Variants in MED13 observed in about 807,000 individuals in gnomAD.
MED13 encodes mediator of RNA polymerase II transcription subunit 13.
A neutral mutation model predicts 225.2 loss-of-function variants in MED13; 23 were observed. The observed-to-expected ratio is 0.10, with a 90% CI of 0.07 to 0.14. The LOEUF is 0.14. Ranked by LOEUF, MED13 falls within the 10% of genes least tolerant of loss-of-function variation. The probability of loss-of-function intolerance (pLI) is 1.00; values close to 1 mark genes in which losing one functional copy is unlikely to be tolerated. For synonymous variants in MED13, 942 were observed against 889.2 expected (o/e 1.06, Z -1.06); for missense variants, 2,197 against 2,594.5 (o/e 0.85, Z 3.33).
chr17:62,029,675 C>A (rs564099036), intron 7 of MED13, 24 bp from the exon 8 acceptor site: 91 of 1,587,560 alleles, frequency 5.7e-5, no homozygotes, highest in Non-Finnish European at 7.5e-5. Flanking sequence ...TTACAAAATT[C>A]TTTAAAATTC....
At chr17:62,014,396 A>C (rs544459689) in intron 8 of MED13, among the ~76,000 whole-genome samples, 160 of 151,610 alleles carry the variant, frequency 1.1e-3, no homozygotes, top group Middle Eastern at 3.4e-3. Context: ...AGCTCACCAC[A>C]ACCTCTGGCT....
chr17:62,023,442 T>C (rs2080669212), intron 8 of MED13, among the ~76,000 whole-genome samples: 1 of 152,132 alleles, frequency 6.6e-6, no homozygotes, highest in African/African-American at 2.4e-5. Flanking sequence ...AGGATGGTGC[T>C]AGAACCATAG....
At chr17:62,048,245 A>C (rs1165451983) in intron 3 of MED13, among the ~76,000 whole-genome samples, 2 of 150,356 alleles carry the variant, frequency 1.3e-5, no homozygotes, top group East Asian at 3.9e-4. Context: ...GTCTCCTTAA[A>C]AATACAAAAA....
intron 9 of MED13, among the ~76,000 whole-genome samples, chr17:62,003,320 T>C (rs560050222): frequency 1.3e-5 from 2 of 152,134 alleles, no homozygotes; most frequent in South Asian, 2.1e-4. Context: ...TAAAAGCAAA[T>C]TGTGGCCAGG....
At chr17:62,037,628 C>G (rs1016982438) in intron 3 of MED13, among the ~76,000 whole-genome samples, 3 of 144,254 alleles carry the variant, frequency 2.1e-5, no homozygotes, top group Non-Finnish European at 4.5e-5. Flanking sequence ...GATCACACCA[C>G]TGCACTCCAG....
chr17:62,036,960 G>A (rs2080808963), intron 3 of MED13: 2 of 152,050 alleles, frequency 1.3e-5, no homozygotes, highest in Admixed American at 1.3e-4. Flanking sequence ...GCTTTTAATC[G>A]AAATAAATTT....
intron 28 of MED13, among the ~76,000 whole-genome samples, 171 bp from the exon 29 acceptor site, chr17:61,947,188 A>T (rs2079857759): frequency 6.6e-6 from 1 of 151,782 alleles, no homozygotes; most frequent in African/African-American, 2.4e-5. Flanking sequence ...AATTCATTAT[A>T]GAAATGTTTT....
chr17:62,045,522 TA>T (rs2080890643), intron 3 of MED13, among the ~76,000 whole-genome samples: 2 of 151,594 alleles, frequency 1.3e-5, no homozygotes, highest in African/African-American at 4.8e-5. Context: ...ACCCTGTCTC[TA>T]TTTAAAAAAA....
chr17:62,026,097 G>C (rs941990544), intron 8 of MED13, among the ~76,000 whole-genome samples: 57 of 152,108 alleles, frequency 3.7e-4, no homozygotes, highest in Admixed American at 2.1e-3. Flanking sequence ...TCCATCACAA[G>C]TTCTGACTAG....
At chr17:61,996,503 A>G (rs2080348143) in intron 9 of MED13, among the ~76,000 whole-genome samples, 1 of 151,994 alleles carries the variant, frequency 6.6e-6, no homozygotes, top group South Asian at 2.1e-4. Flanking sequence ...TTACTATTCT[A>G]GTCCTCTCTT....
At chr17:62,054,506 C>T (rs2080981982) in intron 2 of MED13, among the ~76,000 whole-genome samples, 1 of 152,094 alleles carries the variant, frequency 6.6e-6, no homozygotes, top group Admixed American at 6.5e-5. Context: ...TTATGGGTTT[C>T]ACTTCATTAA....
At chr17:61,967,586 T>C (rs533766398) in intron 18 of MED13, among the ~76,000 whole-genome samples, 1 of 152,316 alleles carries the variant, frequency 6.6e-6, no homozygotes, top group Non-Finnish European at 1.5e-5. Context: ...GAATTATAAC[T>C]TAAAAGAAGA....
chr17:62,031,573 T>A lies in MED13; in HGVS notation c.880A>T (p.Ser294Cys), dbSNP rs752948648. ...GAACAGTGAGTGGATCCCACAGGGC[T>A]AGGAGTAGGAATGTCTGACTGAGGG... ...LVPQSDIPTPSPVGSTHCSSS... is the reference protein window; with the variant it reads ...LVPQSDIPTPCPVGSTHCSSS... Residue 294 changes from serine (S) to cysteine (C), a missense_variant, in exon 6 of 30, where the codon AGC becomes TGC. Physicochemically the swap from Ser to Cys is moderately radical, Grantham distance 112. This residue lies in a region of MED13 where 884 missense variants were observed against 918.5 expected (regional missense o/e 0.96). Coordinates refer to ENST00000397786, the MANE Select transcript of MED13 (RefSeq NM_005121.3). The A allele has an allele frequency of 6.2e-7, 1 of 1,613,732 alleles. No homozygotes were observed. Among genetic ancestry groups the A allele is most frequent in the Admixed American group, 1.7e-5 (1 of 59,960 alleles).
chr17:62,061,353 T>C (rs567127519), intron 2 of MED13, among the ~76,000 whole-genome samples: 10 of 149,724 alleles, frequency 6.7e-5, no homozygotes, highest in African/African-American at 2.5e-4. Context: ...ACCCCATCTC[T>C]ACTTAAAAAG....
intron 3 of MED13, among the ~76,000 whole-genome samples, chr17:62,036,197 CTATA>C (rs1305522258): frequency 6.6e-6 from 1 of 151,730 alleles, no homozygotes; most frequent in Non-Finnish European, 1.5e-5. Context: ...ATTTTCCCCT[CTATA>C]TAAGAAACTA....
chr17:61,972,823 C>T lies in MED13; in HGVS notation c.3871G>A (p.Asp1291Asn). The change falls in exon 17 of 30, where the codon GAT becomes AAT. Residue 1291 changes from aspartate (D) to asparagine (N), a missense_variant. By Grantham distance (23) the Asp-to-Asn change is conservative. Coordinates refer to ENST00000397786, the MANE Select transcript of MED13 (RefSeq NM_005121.3). ...MLLSLQPVLQDAIQKKRTVRP... is the reference protein window; with the variant it reads ...MLLSLQPVLQNAIQKKRTVRP... ...ACTGTTCTTTTTTTCTGAATGGCATCCTGAAGAACTGGCTGAAGAGAGAGG... is the reference window on the plus strand; with the variant it reads ...ACTGTTCTTTTTTTCTGAATGGCATTCTGAAGAACTGGCTGAAGAGAGAGG... 6.2e-7 allele frequency: 1 copy of T among 1,613,762 alleles called. No individual in the cohort carries two copies. The highest frequency in any genetic ancestry group is 8.5e-7 in the Non-Finnish European group (1 of 1,179,902).
At chr17:62,018,152 A>G (rs2080601056) in intron 8 of MED13, among the ~76,000 whole-genome samples, 1 of 152,214 alleles carries the variant, frequency 6.6e-6, no homozygotes, top group Non-Finnish European at 1.5e-5. Flanking sequence ...TATCTGACAC[A>G]GTGCTTGAGC....
At chr17:61,979,249 C>A (rs956854902) in intron 16 of MED13, among the ~76,000 whole-genome samples, 4 of 152,158 alleles carry the variant, frequency 2.6e-5, no homozygotes, top group Non-Finnish European at 4.4e-5. Context: ...AACTGTAATT[C>A]ATTTTCAGAA....
intron 9 of MED13, among the ~76,000 whole-genome samples, chr17:62,008,936 T>A (rs1020549716): frequency 6.6e-6 from 1 of 151,954 alleles, no homozygotes; most frequent in Admixed American, 6.6e-5. Context: ...CATTAAAAAA[T>A]AAACATAAAT....
Sources: allele counts gnomAD v4.1 joint callset (sites outside exome capture counted in the v4.1 genomes callset), GRCh38; gene constraint gnomAD v4.1.1; regional missense constraint gnomAD v4.1.1; transcripts MANE v1.5; gene names NCBI Gene and HGNC (gene_info 2026-07-23, HGNC 2026-07-21).